Variants in PIGU observed in about 807,000 individuals in gnomAD.
PIGU encodes the protein GPI-anchor transamidase component PIGU.
A neutral mutation model predicts 49.9 loss-of-function variants in PIGU; 24 were observed. The observed-to-expected ratio is 0.48, with a 90% CI of 0.35 to 0.68. The LOEUF is 0.68. PIGU is among the 30% of genes least tolerant of loss of function. The pLI, the probability that PIGU is intolerant of heterozygous loss-of-function variation, is 0.01. For synonymous variants in PIGU, 220 were observed against 205.7 expected (o/e 1.07, Z -0.59); for missense variants, 490 against 532.6 (o/e 0.92, Z 0.79).
chr20:34,664,987 GAAAAA>G (rs1202672129), intron 1 of PIGU, among the ~76,000 whole-genome samples: 1 of 149,522 alleles, frequency 6.7e-6, no homozygotes, highest in African/African-American at 2.4e-5. Context: ...CTCAAAAAAA[GAAAAA>G]AAAAGTATAG....
intron 7 of PIGU, among the ~76,000 whole-genome samples, chr20:34,599,618 C>T (rs1387106339): frequency 6.6e-6 from 1 of 152,180 alleles, no homozygotes; most frequent in African/African-American, 2.4e-5. Flanking sequence ...TAATGTAATT[C>T]ACATTCCCCT....
chr20:34,589,052 TTA>T lies in PIGU; in HGVS notation c.628-447_628-446del, dbSNP rs765305176. On this transcript the variant is annotated intron_variant, in intron 7 of 11. Coordinates refer to ENST00000217446, the MANE Select transcript of PIGU (RefSeq NM_080476.5). Reference sequence around the variant, plus strand: ...AATAGAAAATTGCTAAACAAGCCTATTATATGAAAATACTTATGTGTTCTGAG... The same window carrying T: ...AATAGAAAATTGCTAAACAAGCCTATTATGAAAATACTTATGTGTTCTGAG... 7.4e-4 allele frequency among the ~76,000 whole-genome samples: 112 copies of T among 152,010 alleles called. 1 individual carries two copies. In the Middle Eastern group the frequency reaches 0.034, roughly 46 times the overall value.
At chr20:34,670,832 C>T (rs1987285649) in intron 1 of PIGU, among the ~76,000 whole-genome samples, 1 of 152,200 alleles carries the variant, frequency 6.6e-6, no homozygotes, top group Admixed American at 6.6e-5. Context: ...GCTTGAGCCA[C>T]CATGCCCAGC....
chr20:34,641,683 A>G (rs1430648908), intron 4 of PIGU, among the ~76,000 whole-genome samples: 2 of 152,144 alleles, frequency 1.3e-5, no homozygotes, highest in East Asian at 3.9e-4. Flanking sequence ...CAAGGATAAA[A>G]AGACTCAAAT....
intron 1 of PIGU, among the ~76,000 whole-genome samples, chr20:34,658,194 T>C (rs1169180652): frequency 6.6e-6 from 1 of 152,248 alleles, no homozygotes; most frequent in Non-Finnish European, 1.5e-5. Context: ...GGGGTTTCGC[T>C]GTGTTGGCCG....
intron 7 of PIGU, among the ~76,000 whole-genome samples, chr20:34,612,855 T>G (rs1984872769): frequency 6.6e-6 from 1 of 152,090 alleles, no homozygotes; most frequent in Admixed American, 6.6e-5. Context: ...ACTCCTGACC[T>G]CAAGTGGTCC....
chr20:34,591,485 G>A (rs1044139393), intron 7 of PIGU, among the ~76,000 whole-genome samples: 1 of 151,940 alleles, frequency 6.6e-6, no homozygotes, highest in Admixed American at 6.6e-5. Context: ...GCATTTTGGG[G>A]GTATTTACAA....
At chr20:34,642,102 T>C (rs775730516) in intron 4 of PIGU, among the ~76,000 whole-genome samples, 2 of 152,194 alleles carry the variant, frequency 1.3e-5, no homozygotes, top group African/African-American at 4.8e-5. Flanking sequence ...AACAAATTAT[T>C]GGTGCTCTAA....
At chr20:34,641,561 A>G (rs1038836629) in intron 4 of PIGU, among the ~76,000 whole-genome samples, 2 of 152,192 alleles carry the variant, frequency 1.3e-5, no homozygotes, top group Non-Finnish European at 2.9e-5. Flanking sequence ...CCAACTGGTC[A>G]CCATCAGCAT....
chr20:34,589,436 C>T (rs974776897), intron 7 of PIGU, among the ~76,000 whole-genome samples: 1 of 152,210 alleles, frequency 6.6e-6, no homozygotes, highest in Non-Finnish European at 1.5e-5. Context: ...TCACTGCAAC[C>T]TCTGCCTCCA....
intron 7 of PIGU, among the ~76,000 whole-genome samples, chr20:34,595,938 C>T (rs1433644282): frequency 1.3e-5 from 2 of 152,014 alleles, no homozygotes; most frequent in African/African-American, 4.8e-5. Flanking sequence ...ATTAGCTGGG[C>T]GTGGTAGTGC....
At chr20:34,576,079 A>C (rs925496324) in intron 10 of PIGU, among the ~76,000 whole-genome samples, 1 of 152,170 alleles carries the variant, frequency 6.6e-6, no homozygotes, top group African/African-American at 2.4e-5. Flanking sequence ...TGTACTTATA[A>C]AAATTAAAAA....
At chr20:34,589,902 C>T (rs767943457) in intron 7 of PIGU, among the ~76,000 whole-genome samples, 10 of 151,948 alleles carry the variant, frequency 6.6e-5, no homozygotes, top group Admixed American at 2.0e-4. Flanking sequence ...GTGATCTACC[C>T]GCCTTGGCCT....
At chr20:34,564,208 T>C (rs1982648737) in intron 11 of PIGU, among the ~76,000 whole-genome samples, 1 of 152,176 alleles carries the variant, frequency 6.6e-6, no homozygotes, top group African/African-American at 2.4e-5. Flanking sequence ...TTCAGACTAA[T>C]AGTAACGTAT....
intron 6 of PIGU, among the ~76,000 whole-genome samples, chr20:34,628,447 A>G (rs959660100): frequency 5.3e-5 from 8 of 152,238 alleles, no homozygotes; most frequent in African/African-American, 1.9e-4. Context: ...TTAGAAAGTT[A>G]ATTGTAATAT....
chr20:34,629,316 C>T (rs566472518), intron 6 of PIGU, among the ~76,000 whole-genome samples: 51 of 152,254 alleles, frequency 3.3e-4, no homozygotes, highest in African/African-American at 1.1e-3. Flanking sequence ...GCCACCATGC[C>T]GGGCCATATG....
intron 10 of PIGU, among the ~76,000 whole-genome samples, chr20:34,580,598 C>T (rs943243839): frequency 2.6e-5 from 4 of 152,242 alleles, no homozygotes; most frequent in Admixed American, 2.6e-4. Flanking sequence ...AGTTCAACAG[C>T]TCCCTTCCAT....
In PIGU at chr20:34,581,568, A is replaced by G. The variant is rs1272606205; in HGVS notation, c.1031T>C (p.Val344Ala). ...DVALYMAFFP[V>A]WNHLYRFLRN... Reference sequence around the variant, plus strand: ...CTCACATCTGTAGAGATGGTTCCACACGGGGAAGAAGGCCATGTAGAGCGC... The same window carrying G: ...CTCACATCTGTAGAGATGGTTCCACGCGGGGAAGAAGGCCATGTAGAGCGC... Residue 344 changes from valine to alanine, a missense_variant, in exon 10 of 12, where the codon GTG (valine) becomes GCG (alanine). By Grantham distance (64) the Val-to-Ala change is moderately conservative. Coordinates refer to ENST00000217446, the MANE Select transcript of PIGU (RefSeq NM_080476.5). 6.2e-7 allele frequency: 1 copy of G among 1,613,658 alleles called. No homozygotes were observed. Among genetic ancestry groups the G allele is most frequent in the Non-Finnish European group, 8.5e-7 (1 of 1,179,878 alleles).
chr20:34,609,410 G>T (rs1984733189), intron 7 of PIGU, among the ~76,000 whole-genome samples: 1 of 151,616 alleles, frequency 6.6e-6, no homozygotes, highest in Admixed American at 6.6e-5. Context: ...TGTCACCCAG[G>T]CTTGAGTGCA....
Sources: allele counts gnomAD v4.1 joint callset (sites outside exome capture counted in the v4.1 genomes callset), GRCh38; gene constraint gnomAD v4.1.1; transcripts MANE v1.5; gene names NCBI Gene and HGNC (gene_info 2026-07-23, HGNC 2026-07-21).